The following FUT8 variants were observed in gnomAD, a reference collection of about 807,000 sequenced individuals.
FUT8 encodes alpha-(1,6)-fucosyltransferase.
FUT8 carries 29 observed loss-of-function variants against 71.3 expected under a neutral mutation model. That is an observed-to-expected ratio of 0.41 (90% confidence interval 0.30 to 0.55). The LOEUF is 0.55. Among genes scored for constraint, FUT8 ranks in the 20% least tolerant of loss-of-function variants. The pLI is 0.34. For missense variants in FUT8, 544 were observed against 702.1 expected, an observed-to-expected ratio of 0.77 and a Z score of 2.55; for synonymous variants, 254 against 239.3, an observed-to-expected ratio of 1.06 and a Z score of -0.57.
chr14:65,516,144 TACTC>T (rs1321374719), intron 2 of FUT8: 1 of 151,606 alleles, frequency 6.6e-6, no homozygotes, highest in Non-Finnish European at 1.5e-5. Context: ...CACAGCATGG[TACTC>T]TAGCCTAGGC....
chr14:65,485,803 A>T (rs918740896), intron 2 of FUT8, among the ~76,000 whole-genome samples: 2 of 152,094 alleles, frequency 1.3e-5, no homozygotes, highest in African/African-American at 2.4e-5. Flanking sequence ...TTATCCACGC[A>T]CCTAGCTCCC....
At chr14:65,439,954 G>GTGTGTGTGTGTATATATA in intron 1 of FUT8, among the ~76,000 whole-genome samples, 8 of 74,970 alleles carry the variant, frequency 1.1e-4, no homozygotes, top group South Asian at 5.9e-4. Flanking sequence ...GTGTGTGTGT[G>GTGTGTGTGTGTATATATA]TATATATATA....
intron 2 of FUT8, among the ~76,000 whole-genome samples, chr14:65,470,140 C>T (rs1474776780): frequency 1.3e-5 from 2 of 152,204 alleles, no homozygotes; most frequent in Non-Finnish European, 2.9e-5. Context: ...CCTGAGCATG[C>T]GCATATCCTG....
At chr14:65,716,371 CCTT>C (rs1444978896) in intron 7 of FUT8, among the ~76,000 whole-genome samples, 1 of 146,554 alleles carries the variant, frequency 6.8e-6, no homozygotes, top group Non-Finnish European at 1.5e-5. Context: ...TATATAGTGA[CCTT>C]CTTTGTCCCT....
At chr14:65,548,784 A>C (rs967106439) in intron 2 of FUT8, among the ~76,000 whole-genome samples, 6 of 152,126 alleles carry the variant, frequency 3.9e-5, no homozygotes, top group Non-Finnish European at 7.4e-5. Flanking sequence ...TAAAAGAATA[A>C]AAAGATAAGC....
intron 6 of FUT8, among the ~76,000 whole-genome samples, chr14:65,649,002 T>C (rs1891237814): frequency 6.6e-6 from 1 of 152,254 alleles, no homozygotes; most frequent in African/African-American, 2.4e-5. Flanking sequence ...TCATTATTTT[T>C]ACCATTGCTT....
chr14:65,467,360 C>G lies in FUT8; in HGVS notation c.-228+11642C>G, dbSNP rs181019671. ...TTACTCAGGCTGGAGTGCAGTGGCACGATCTTGGCTCACTGCAACCACTGC... is the reference window on the plus strand; with the variant it reads ...TTACTCAGGCTGGAGTGCAGTGGCAGGATCTTGGCTCACTGCAACCACTGC... On this transcript the variant is annotated intron_variant, in intron 2 of 10. Coordinates refer to ENST00000673929, the MANE Select transcript of FUT8 (RefSeq NM_001371533.1). This position sits in a 1 kb window ranked among gnomAD's most constrained non-coding sequence, Gnocchi z 4.1. 6.6e-6 allele frequency among the ~76,000 whole-genome samples: 1 copy of G among 151,930 alleles called. No individual in the cohort carries two copies. Among genetic ancestry groups the G allele is most frequent in the African/African-American group, 2.4e-5 (1 of 41,422 alleles).
In FUT8 at chr14:65,721,941, C is replaced by T. The variant is rs1005780983; in HGVS notation, c.1002C>T (p.Tyr334=). 3 of 1,614,072 alleles carry T rather than the reference C, an allele frequency of 1.9e-6. No homozygotes were observed. In the African/African-American group the frequency reaches 4.0e-5, roughly 22 times the overall value. Residue 334 remains tyrosine, a synonymous_variant, in exon 8 of 11, where the codon TAC becomes TAT. Transcript: ENST00000673929. ...AVWWVSQFVK[Y]LIRPQPWLEK... ...GGTGGGTGTCTCAGTTTGTCAAATA[C>T]TTGATCCGCCCACAGCCTTGGCTAG... is the stretch of plus-strand genomic sequence containing the variant.
At position 65,643,911 on chromosome 14, in the gene FUT8, G is replaced by A. The variant is rs1222076732; in HGVS notation, c.597+14305G>A. Among the ~76,000 whole-genome samples, 6 of 151,960 alleles carry A rather than the reference G, an allele frequency of 3.9e-5. No individual in the cohort carries two copies. The highest frequency in any genetic ancestry group is 2.0e-4 in the Admixed American group (3 of 15,252). ...AGTAATTTTCTCTTTCTAGAAATAT[G>A]CCTCATTTTTTTCAAGAAATGGCAG... On this transcript the variant is annotated intron_variant, in intron 6 of 10. Transcript: ENST00000673929. This position sits in a 1 kb window ranked among gnomAD's most constrained non-coding sequence, Gnocchi z 4.5.
In FUT8 at chr14:65,615,999, T is replaced by A; in HGVS notation, c.225T>A (p.Asp75Glu). Residue 75 changes from aspartate to glutamate, a missense_variant, in exon 4 of 11, where the codon GAT becomes GAA. Transcript: ENST00000673929. ...ACAGGATACCAGAAGGCCCTATTGATCAGGGGCCAGCTATAGGAAGAGTAC... is the reference window on the plus strand; with the variant it reads ...ACAGGATACCAGAAGGCCCTATTGAACAGGGGCCAGCTATAGGAAGAGTAC... ...ESLRIPEGPI[D>E]QGPAIGRVRV... is the part of the protein sequence containing the mutation. 6.2e-7 allele frequency: 1 copy of A among 1,613,480 alleles called. No homozygotes were observed. Among genetic ancestry groups the A allele is most frequent in the Non-Finnish European group, 8.5e-7 (1 of 1,179,578 alleles).
At chr14:65,409,968 T>C (rs774509887), upstream of FUT8, among the ~76,000 whole-genome samples, 2 of 152,098 alleles carry the variant, frequency 1.3e-5, no homozygotes, top group Non-Finnish European at 2.9e-5. This position sits in a 1 kb window ranked among gnomAD's most constrained non-coding sequence, Gnocchi z 5.4. Flanking sequence ...TATTACAAAC[T>C]GGCAGTGATG....
intron 3 of FUT8, among the ~76,000 whole-genome samples, chr14:65,569,505 CAGTT>C (rs1886366602): frequency 6.6e-6 from 1 of 151,732 alleles, no homozygotes; most frequent in Non-Finnish European, 1.5e-5. Flanking sequence ...TAATCACACA[CAGTT>C]AGTAATTTTT....
rs58941594 is a variant in FUT8 at position 65,429,861 on chromosome 14, C to CAA, written c.-326+16672_-326+16673dup. Among the ~76,000 whole-genome samples the CAA allele has an allele frequency of 2.5e-3, 200 of 81,020 alleles. 11 individuals carry two copies. The highest frequency in any genetic ancestry group is 3.7e-3 in the Non-Finnish European group (165 of 44,084). 53.2% of individuals were successfully genotyped at this position (81,020 alleles called of 152,430 possible). The stretch of plus-strand genomic sequence containing the variant: ...CCTGGATAGTAGAGTGAGACTGTCT[C>CAA]AAAAAAAAAAAAAAAAAAAAAAAAA... On this transcript the variant is annotated intron_variant, in intron 1 of 10. Transcript: ENST00000673929.
intron 5 of FUT8, among the ~76,000 whole-genome samples, chr14:65,622,116 G>A (rs770454629): frequency 6.6e-6 from 1 of 152,172 alleles, no homozygotes; most frequent in Non-Finnish European, 1.5e-5. Context: ...CAGCCACTGC[G>A]CCTAGCTTAG....
At chr14:65,484,916 G>T (rs1245053963) in intron 2 of FUT8, among the ~76,000 whole-genome samples, 1 of 151,700 alleles carries the variant, frequency 6.6e-6, no homozygotes, top group Admixed American at 6.6e-5. Context: ...CTTCTACGGT[G>T]TCTAATCTGT....
intron 7 of FUT8, among the ~76,000 whole-genome samples, chr14:65,691,721 TG>T (rs1893608203): frequency 6.6e-6 from 1 of 151,874 alleles, no homozygotes; most frequent in Admixed American, 6.6e-5. Context: ...CAAAGGTCTC[TG>T]GTTTTCCTAG....
Position 65,669,339 on chromosome 14 carries a change from A to G in FUT8, c.694A>G (p.Met232Val), listed in dbSNP as rs765336733. ...GCTCCATCATGTGGTCTACTGCTTC[A>G]TGATTGCATATGGCACCCAGCGAAC... ...CQLHHVVYCF[M>V]IAYGTQRTLI... The change falls in exon 7 of 11, where the codon ATG (methionine) becomes GTG (valine). Residue 232 changes from methionine (M) to valine (V), a missense_variant. Met to Val is a conservative substitution (Grantham distance 21). Coordinates refer to ENST00000673929, the MANE Select transcript of FUT8 (RefSeq NM_001371533.1). The surrounding 1 kb of genome is among the most constrained non-coding windows in gnomAD (Gnocchi z 4.5). 3.7e-6 allele frequency: 6 copies of G among 1,613,902 alleles called. No individual in the cohort carries two copies. The Admixed American group carries it at 8.3e-5, about 22-fold the overall frequency.
intron 1 of FUT8, among the ~76,000 whole-genome samples, chr14:65,452,859 G>T (rs1412844313): frequency 6.6e-6 from 1 of 152,040 alleles, no homozygotes; most frequent in South Asian, 2.1e-4. Context: ...GTTCAACTTG[G>T]GTCTTTTTTG....
rs531672443 is a variant in FUT8, at chr14:65,512,765, C to T, written c.-227-48572C>T. Among the ~76,000 whole-genome samples, 263 of 151,770 alleles carry T rather than the reference C, an allele frequency of 1.7e-3. 2 individuals carry two copies. The highest frequency in any genetic ancestry group is 0.014 in the Middle Eastern group (4 of 294). On this transcript the variant is annotated intron_variant, in intron 2 of 10. Transcript: ENST00000673929. ...CTCTATTAAAAATACAAAAATTAGC[C>T]GGGCATGGTGGCGGGCGCCTGTAAT...
Sources: allele counts gnomAD v4.1 joint callset (sites outside exome capture counted in the v4.1 genomes callset), GRCh38; gene constraint gnomAD v4.1.1; non-coding constraint Gnocchi (gnomAD v3.1); transcripts MANE v1.5; gene names NCBI Gene and HGNC (gene_info 2026-07-23, HGNC 2026-07-21).